The following CEP112 variants were observed in gnomAD, a reference collection of about 807,000 sequenced individuals.
CEP112 encodes centrosomal protein of 112 kDa.
Under a neutral mutation model 153.0 loss-of-function variants are expected in CEP112, and 127 were observed. That is an observed-to-expected ratio of 0.83 (90% CI 0.72 to 0.96). The LOEUF (loss-of-function observed/expected upper bound fraction) is 0.96. Among genes scored for constraint, CEP112 ranks in the 40% least tolerant of loss-of-function variants. CEP112 has a pLI of 0.00. For synonymous variants in CEP112, 358 were observed against 374.4 expected (o/e 0.96, Z 0.51); for missense variants, 1,089 against 1,101.2 (o/e 0.99, Z 0.16).
intron 12 of CEP112, among the ~76,000 whole-genome samples, chr17:66,051,910 C>T (rs2319117): frequency 0.41 from 62,488 of 151,968 alleles, 14,313 homozygotes; most frequent in East Asian, 0.87. Context: ...ATCATTAATT[C>T]AAAAATGCAT....
At chr17:65,866,787 T>C (rs1185572263) in intron 20 of CEP112, among the ~76,000 whole-genome samples, 2 of 152,066 alleles carry the variant, frequency 1.3e-5, no homozygotes, top group East Asian at 3.9e-4. Context: ...GCTGAACACC[T>C]GTCTAGACAC....
At position 65,635,864 on chromosome 17, in the gene CEP112, A is replaced by T. The variant is rs996100324; in HGVS notation, c.*107T>A. On this transcript the variant is annotated 3_prime_UTR_variant, in exon 27 of 27. Transcript: ENST00000535342. ...TGATCTTAATTACATTTAAGGATTT[A>T]AAAAATGCCACTGATCTCACAGTTT... is the stretch of plus-strand genomic sequence containing the variant. 9 of 1,195,466 alleles carry T rather than the reference A, an allele frequency of 7.5e-6. No homozygotes were observed. The highest frequency in any genetic ancestry group is 2.5e-5 in the East Asian group (1 of 39,216). 74.1% of individuals were successfully genotyped at this position (1,195,466 alleles called of 1,614,324 possible).
chr17:65,721,212 G>A (rs755368885), intron 23 of CEP112, among the ~76,000 whole-genome samples: 3 of 151,946 alleles, frequency 2.0e-5, no homozygotes, highest in Non-Finnish European at 4.4e-5. Context: ...GGGTCTCACC[G>A]TGTTAACCAG....
chr17:66,146,203 C>G (rs2070912043), intron 4 of CEP112, among the ~76,000 whole-genome samples: 1 of 151,948 alleles, frequency 6.6e-6, no homozygotes, highest in Non-Finnish European at 1.5e-5. Context: ...GATAAAATTT[C>G]TTCCATAAAA....
At chr17:66,048,613 G>C (rs1380966726) in intron 12 of CEP112, among the ~76,000 whole-genome samples, 1 of 151,090 alleles carries the variant, frequency 6.6e-6, no homozygotes, top group Non-Finnish European at 1.5e-5. Context: ...GCACTATTTT[G>C]TTTTTTTTAT....
chr17:66,016,111 T>C (rs2064761178), intron 16 of CEP112, among the ~76,000 whole-genome samples: 1 of 152,220 alleles, frequency 6.6e-6, no homozygotes, highest in Non-Finnish European at 1.5e-5. Flanking sequence ...TCTTTCCTTA[T>C]GGTGTCTGTT....
intron 17 of CEP112, among the ~76,000 whole-genome samples, chr17:65,962,873 T>G (rs937649931): frequency 9.9e-5 from 15 of 152,244 alleles, no homozygotes; most frequent in African/African-American, 3.6e-4. Flanking sequence ...CACGTGGAAC[T>G]GTAAGTCCAT....
chr17:65,983,615 G>A (rs1037830904), intron 17 of CEP112, among the ~76,000 whole-genome samples: 5 of 151,996 alleles, frequency 3.3e-5, no homozygotes, highest in African/African-American at 4.8e-5. Flanking sequence ...CTCCTGCTCC[G>A]TCTCTTGCTC....
At chr17:65,985,908 A>C (rs796571600) in intron 17 of CEP112, among the ~76,000 whole-genome samples, 1 of 151,646 alleles carries the variant, frequency 6.6e-6, no homozygotes, top group Non-Finnish European at 1.5e-5. Context: ...GTGCATTTAG[A>C]GTTTAGGCCT....
chr17:65,858,218 A>G (rs1174941909), intron 20 of CEP112, among the ~76,000 whole-genome samples: 2 of 152,090 alleles, frequency 1.3e-5, no homozygotes, highest in Non-Finnish European at 2.9e-5. Flanking sequence ...AATCTTTTAA[A>G]TTGGTTTGAG....
intron 23 of CEP112, among the ~76,000 whole-genome samples, chr17:65,741,648 A>G (rs1272515451): frequency 6.6e-6 from 1 of 151,898 alleles, no homozygotes; most frequent in African/African-American, 2.4e-5. Context: ...CTATGCTGTC[A>G]GGAGTATATT....
At chr17:66,147,486 T>G (rs1462168917) in intron 4 of CEP112, among the ~76,000 whole-genome samples, 1 of 152,070 alleles carries the variant, frequency 6.6e-6, no homozygotes, top group African/African-American at 2.4e-5. Context: ...TGTACAGTTT[T>G]TAATTTTGAT....
chr17:65,946,784 C>G (rs1187611319), intron 18 of CEP112, among the ~76,000 whole-genome samples: 1 of 152,000 alleles, frequency 6.6e-6, no homozygotes, highest in African/African-American at 2.4e-5. Context: ...GATTTAAGAA[C>G]TGCCATTTTT....
At chr17:66,170,408 A>C (rs2072195130) in intron 4 of CEP112, among the ~76,000 whole-genome samples, 1 of 152,230 alleles carries the variant, frequency 6.6e-6, no homozygotes. Context: ...TGGTCTCCTT[A>C]GTAACATTTT....
At chr17:65,940,180 A>G (rs1271375422) in intron 18 of CEP112, among the ~76,000 whole-genome samples, 1 of 152,212 alleles carries the variant, frequency 6.6e-6, no homozygotes, top group Non-Finnish European at 1.5e-5. Context: ...TCAAACTACA[A>G]TGAGATATCA....
In CEP112 at chr17:66,183,935, C is replaced by T. The variant is rs559527224; in HGVS notation, c.-8-628G>A. 4.6e-5 allele frequency among the ~76,000 whole-genome samples: 7 copies of T among 152,058 alleles called. No homozygotes were observed. In the South Asian group the frequency reaches 1.2e-3, roughly 27 times the overall value. The stretch of plus-strand genomic sequence containing the variant: ...TAAGGCTAAGATTTCTTATATACAA[C>T]ATTAAAAGCACTATCCACAAAAGGA... On this transcript the variant is annotated intron_variant, in intron 1 of 26. Transcript: ENST00000535342.
At chr17:65,898,856 A>G (rs1454803348) in intron 20 of CEP112, among the ~76,000 whole-genome samples, 2 of 152,140 alleles carry the variant, frequency 1.3e-5, no homozygotes, top group Admixed American at 6.6e-5. Flanking sequence ...CAAAGGTTCT[A>G]TGCAACAATC....
intron 18 of CEP112, among the ~76,000 whole-genome samples, chr17:65,930,179 C>T (rs1875289925): frequency 6.6e-6 from 1 of 152,138 alleles, no homozygotes; most frequent in South Asian, 2.1e-4. Flanking sequence ...GTACACAATG[C>T]CTTCTTTCAG....
intron 19 of CEP112, among the ~76,000 whole-genome samples, chr17:65,919,392 G>A (rs1362779490): frequency 2.0e-5 from 3 of 152,082 alleles, no homozygotes; most frequent in Admixed American, 6.6e-5. Context: ...CCAGATGCTC[G>A]GCGTCTAAAT....
Sources: gnomAD v4.1 joint callset for allele counts (sites outside exome capture counted in the v4.1 genomes callset) on GRCh38, gnomAD v4.1.1 for gene constraint, MANE v1.5 for transcripts, NCBI Gene and HGNC (gene_info 2026-07-23, HGNC 2026-07-21) for gene names.